USP6: variants seen among roughly 807,000 people sequenced by gnomAD.
USP6 encodes ubiquitin carboxyl-terminal hydrolase 6.
Under a neutral mutation model 175.7 loss-of-function variants are expected in USP6, and 128 were observed. The ratio of observed to expected loss-of-function variants is 0.73; its 90% confidence interval spans 0.63 to 0.84. The LOEUF is 0.84. USP6 is among the 40% of genes least tolerant of loss of function. The pLI is 0.00. For synonymous variants in USP6, 562 were observed against 630.6 expected, an observed-to-expected ratio of 0.89 and a Z score of 1.63; for missense variants, 1,498 against 1,760.3, an observed-to-expected ratio of 0.85 and a Z score of 2.67.
intron 3 of USP6, 133 bp downstream of exon 3, chr17:5,120,921 C>T: frequency 2.2e-6 from 1 of 454,558 alleles, no homozygotes; most frequent in Non-Finnish European, 4.4e-6. Flanking sequence ...ACCAGCCCCT[C>T]ATGATTTCGA....
At chr17:5,122,467 A>C (rs2072709430) in intron 4 of USP6, among the ~76,000 whole-genome samples, 1 of 152,188 alleles carries the variant, frequency 6.6e-6, no homozygotes, top group Admixed American at 6.5e-5. Flanking sequence ...TTGCTCCCCG[A>C]AAAGGTTTTT....
At chr17:5,131,452 T>TGC (rs1199283217) in intron 11 of USP6, among the ~76,000 whole-genome samples, 2 of 141,504 alleles carry the variant, frequency 1.4e-5, no homozygotes, top group East Asian at 2.3e-4. Context: ...GGCTCGGGTA[T>TGC]AGGGAGAGGC....
At position 5,173,878 on chromosome 17, in the gene USP6, A is replaced by C. The variant is rs942670387; in HGVS notation, c.*900A>C. 1.3e-5 allele frequency: 3 copies of C among 222,690 alleles called. No homozygotes were observed. The East Asian group carries it at 2.0e-4, about 15-fold the overall frequency. 13.8% of individuals were successfully genotyped at this position (222,690 alleles called of 1,614,324 possible). A position where few individuals can be genotyped will look rare whatever the true frequency, so the allele number is the denominator to read the frequency against. On this transcript the variant is annotated 3_prime_UTR_variant, in exon 38 of 38. Coordinates refer to ENST00000574788, the MANE Select transcript of USP6 (RefSeq NM_001304284.2). ...TGGGAAGGTAAGCGGCATCGGAGCT[A>C]GATCACGTTTCACAATTAGTGGTTA...
chr17:5,148,300 A>T (rs927574520), intron 29 of USP6, among the ~76,000 whole-genome samples: 2 of 152,208 alleles, frequency 1.3e-5, no homozygotes, highest in South Asian at 4.1e-4. Context: ...CATGGTGCTG[A>T]TACAGGTTTC....
rs1186447489 is a variant in USP6 at position 5,134,894 on chromosome 17, G to A, written c.495-340G>A. 1.2e-5 allele frequency: 4 copies of A among 346,428 alleles called. No individual in the cohort carries two copies. The Admixed American group carries it at 1.6e-4, about 14-fold the overall frequency. The allele number at this position is 346,428 out of a possible 1,614,324, so 21.5% of individuals were successfully genotyped here. A position where few individuals can be genotyped will look rare whatever the true frequency, so the allele number is the denominator to read the frequency against. ...TGGAGATTTGGAAGATGATGGAGTC[G>A]CTCCAGGAGGGGCTGGAGCGGTGGC... On this transcript the variant is annotated intron_variant, in intron 15 of 37. Coordinates refer to ENST00000574788, the MANE Select transcript of USP6 (RefSeq NM_001304284.2).
intron 18 of USP6, among the ~76,000 whole-genome samples, 162 bp from the exon 19 acceptor site, chr17:5,136,959 G>C (rs771872304): frequency 6.6e-6 from 1 of 152,212 alleles, no homozygotes; most frequent in Non-Finnish European, 1.5e-5. Context: ...GCAGGGCAAA[G>C]GGCAGTGTGT....
At position 5,139,309 on chromosome 17, in the gene USP6, G is replaced by T; in HGVS notation, c.1133G>T (p.Gly378Val). The change falls in exon 22 of 38, where the codon GGG (glycine) becomes GTG (valine). Residue 378 changes from glycine to valine, a missense_variant. This residue lies in a region of USP6 where 1,217 missense variants were observed against 1,500.8 expected (regional missense o/e 0.81). Coordinates refer to ENST00000574788, the MANE Select transcript of USP6 (RefSeq NM_001304284.2). ...APRPVPASRG[G>V]KTLCKGYRQA... ...AGGCCTGTGCCGGCTTCACGTGGTG[G>T]GAAGACCCTCTGCAAGGGGTATAGG... 6.2e-7 allele frequency: 1 copy of T among 1,609,562 alleles called. No homozygotes were observed.
intron 29 of USP6, among the ~76,000 whole-genome samples, chr17:5,147,446 CTAATACT>C (rs1294604739): frequency 9.2e-5 from 14 of 152,110 alleles, no homozygotes. Flanking sequence ...GAACATTTAT[CTAATACT>C]AACATGGCAA....
chr17:5,166,069 A>T (rs1037127910), intron 33 of USP6, among the ~76,000 whole-genome samples: 7 of 152,192 alleles, frequency 4.6e-5, no homozygotes, highest in Non-Finnish European at 2.9e-5. Flanking sequence ...ACTATCGTAT[A>T]TGATACACCC....
intron 30 of USP6, among the ~76,000 whole-genome samples, chr17:5,153,628 TTAG>T (rs1178611828): frequency 2.0e-5 from 3 of 151,852 alleles, no homozygotes; most frequent in Non-Finnish European, 4.4e-5. Flanking sequence ...TTTCTCTGAA[TTAG>T]TAGCCGTTGG....
intron 22 of USP6, among the ~76,000 whole-genome samples, chr17:5,140,987 C>T (rs1459737231): frequency 6.6e-6 from 1 of 152,116 alleles, no homozygotes; most frequent in Non-Finnish European, 1.5e-5. Flanking sequence ...ACTCTGTCAC[C>T]AAGGATGGAG....
intron 17 of USP6, 70 bp from the exon 18 acceptor site, chr17:5,136,570 G>C: frequency 1.3e-6 from 2 of 1,575,378 alleles, no homozygotes; most frequent in Non-Finnish European, 1.7e-6. Context: ...CAGCTGCCCA[G>C]CTCTTTCAGC....
chr17:5,136,636 T>G lies in USP6; in HGVS notation c.665-4T>G. 6.2e-7 allele frequency: 1 copy of G among 1,611,672 alleles called. No individual in the cohort carries two copies. The highest frequency in any genetic ancestry group is 1.1e-5 in the South Asian group (1 of 90,992). ...GATTTCATGATGGGCTGGGGGCTTCTCAGGATTCCACAGCCCAAATGGTGG... is the reference window on the plus strand; with the variant it reads ...GATTTCATGATGGGCTGGGGGCTTCGCAGGATTCCACAGCCCAAATGGTGG... On this transcript the variant is annotated splice_region_variant and splice_polypyrimidine_tract_variant and intron_variant, in intron 17 of 37. Coordinates refer to ENST00000574788, the MANE Select transcript of USP6 (RefSeq NM_001304284.2).
intron 24 of USP6, 25 bp downstream of exon 24, chr17:5,142,166 T>G: frequency 8.1e-6 from 13 of 1,602,668 alleles, no homozygotes; most frequent in Non-Finnish European, 9.4e-6. Flanking sequence ...GTCACTGGCC[T>G]CTTAACCTGT....
intron 2 of USP6, among the ~76,000 whole-genome samples, chr17:5,118,899 G>T (rs1356086017): frequency 6.6e-6 from 1 of 152,192 alleles, no homozygotes; most frequent in Non-Finnish European, 1.5e-5. Context: ...GCAGCCATAG[G>T]TATTTTTGGA....
At chr17:5,123,665 A>G (rs2072785284) in intron 4 of USP6, among the ~76,000 whole-genome samples, 1 of 152,118 alleles carries the variant, frequency 6.6e-6, no homozygotes, top group Non-Finnish European at 1.5e-5. Context: ...ACGCATACTC[A>G]CACGTTCCTG....
intron 31 of USP6, among the ~76,000 whole-genome samples, chr17:5,156,290 A>T (rs540939955): frequency 6.6e-6 from 1 of 151,202 alleles, no homozygotes; most frequent in South Asian, 2.1e-4. Context: ...CAAATTGTAG[A>T]TCATTTTCTT....
intron 30 of USP6, 34 bp from the exon 31 acceptor site, chr17:5,155,388 C>T: frequency 6.2e-7 from 1 of 1,606,690 alleles, no homozygotes; most frequent in Non-Finnish European, 8.5e-7. Context: ...AGAGGCCTGT[C>T]TTCTCAACTC....
At chr17:5,161,088 G>A (rs1227935544) in intron 31 of USP6, among the ~76,000 whole-genome samples, 1 of 152,202 alleles carries the variant, frequency 6.6e-6, no homozygotes, top group Non-Finnish European at 1.5e-5. Context: ...GCAGTACTTA[G>A]CATGTACCAC....
Sources: allele counts gnomAD v4.1 joint callset (sites outside exome capture counted in the v4.1 genomes callset), GRCh38; gene constraint gnomAD v4.1.1; regional missense constraint gnomAD v4.1.1; transcripts MANE v1.5; gene names NCBI Gene and HGNC (gene_info 2026-07-23, HGNC 2026-07-21).